The following PLEKHA5 variants were observed in gnomAD, a reference collection of about 807,000 sequenced individuals.
PLEKHA5 encodes pleckstrin homology domain-containing family A member 5.
PLEKHA5 carries 55 observed loss-of-function variants against 181.9 expected under a neutral mutation model. The ratio of observed to expected loss-of-function variants is 0.30; its 90% CI spans 0.24 to 0.38. The LOEUF is 0.38. Among genes scored for constraint, PLEKHA5 ranks in the 10% least tolerant of loss-of-function variants. The pLI, the probability that PLEKHA5 is intolerant of heterozygous loss-of-function variation, is 1.00. For synonymous variants in PLEKHA5, 535 were observed against 529.4 expected, an observed-to-expected ratio of 1.01 and a Z score of -0.15; for missense variants, 1,432 against 1,549.5, an observed-to-expected ratio of 0.92 and a Z score of 1.27.
chr12:19,213,477 A>G (rs2057365014), intron 3 of PLEKHA5, among the ~76,000 whole-genome samples: 1 of 152,158 alleles, frequency 6.6e-6, no homozygotes, highest in Non-Finnish European at 1.5e-5. Flanking sequence ...AGGAAGGCAG[A>G]TCTGAAAAGC....
intron 3 of PLEKHA5, among the ~76,000 whole-genome samples, chr12:19,137,211 A>G (rs1265849437): frequency 7.2e-5 from 11 of 151,866 alleles, no homozygotes; most frequent in Admixed American, 6.6e-4. Context: ...AATTTTTTGT[A>G]TTTTTAGTAG....
intron 6 of PLEKHA5, among the ~76,000 whole-genome samples, chr12:19,259,403 A>G (rs1194764512): frequency 1.3e-5 from 2 of 151,926 alleles, no homozygotes; most frequent in Non-Finnish European, 2.9e-5. Flanking sequence ...TATGTGTGTG[A>G]CACATATTTG....
intron 25 of PLEKHA5, among the ~76,000 whole-genome samples, chr12:19,350,554 A>G (rs2094543031): frequency 1.3e-5 from 2 of 152,176 alleles, no homozygotes; most frequent in Admixed American, 6.6e-5. Context: ...GCGGATCACA[A>G]GGTCAGGAGT....
intron 15 of PLEKHA5, among the ~76,000 whole-genome samples, chr12:19,303,181 C>T (rs926129751): frequency 7.1e-6 from 1 of 141,522 alleles, no homozygotes; most frequent in Non-Finnish European, 1.5e-5. Flanking sequence ...CTCAGCCTCC[C>T]AGAGTGAGTC....
chr12:19,306,378 C>A, intron 15 of PLEKHA5: 4 of 501,896 alleles, frequency 8.0e-6, no homozygotes, highest in Non-Finnish European at 1.2e-5. Context: ...GTGCTCTCTT[C>A]CCCTCCCCCG....
chr12:19,356,809 C>G (rs1262230886), intron 26 of PLEKHA5, among the ~76,000 whole-genome samples: 3 of 150,860 alleles, frequency 2.0e-5, no homozygotes, highest in Non-Finnish European at 3.0e-5. Context: ...TACAGGCGCC[C>G]GCCATCATGC....
At chr12:19,198,453 C>T (rs910921184) in intron 3 of PLEKHA5, among the ~76,000 whole-genome samples, 2 of 152,184 alleles carry the variant, frequency 1.3e-5, no homozygotes, top group Non-Finnish European at 1.5e-5. Context: ...TCCTGACAAT[C>T]CATTCTCTGA....
chr12:19,362,389 C>G (rs2095278343), intron 29 of PLEKHA5, among the ~76,000 whole-genome samples: 2 of 151,732 alleles, frequency 1.3e-5, no homozygotes, highest in African/African-American at 4.8e-5. Context: ...CAAAAATTAG[C>G]CAGACATGGT....
At chr12:19,212,536 C>G (rs983882309) in intron 3 of PLEKHA5, among the ~76,000 whole-genome samples, 3 of 151,882 alleles carry the variant, frequency 2.0e-5, no homozygotes, top group Admixed American at 6.6e-5. Context: ...CAAAAATTAG[C>G]CAGGCATGGT....
chr12:19,278,317 A>G (rs2075156960), intron 11 of PLEKHA5, among the ~76,000 whole-genome samples: 2 of 152,154 alleles, frequency 1.3e-5, no homozygotes, highest in Admixed American at 6.5e-5. Context: ...TCCAACCCAA[A>G]CATTATGAAT....
chr12:19,164,109 G>A (rs994940856), intron 3 of PLEKHA5, among the ~76,000 whole-genome samples: 2 of 150,810 alleles, frequency 1.3e-5, no homozygotes, highest in African/African-American at 4.9e-5. Context: ...CAGAAAACTT[G>A]CTTAAGCCAC....
intron 18 of PLEKHA5, 39 bp from the exon 19 acceptor site, chr12:19,322,271 T>C (rs1178945055): frequency 7.3e-7 from 1 of 1,378,314 alleles, no homozygotes. Context: ...ACAGAAAAAA[T>C]AAAAAATTGC....
chr12:19,337,070 C>T (rs2093487945), intron 21 of PLEKHA5, among the ~76,000 whole-genome samples: 1 of 149,140 alleles, frequency 6.7e-6, no homozygotes, highest in African/African-American at 2.5e-5. Flanking sequence ...TCACCGCAAC[C>T]TCTGCCTCCC....
At chr12:19,272,289 T>C (rs2073116901) in intron 10 of PLEKHA5, among the ~76,000 whole-genome samples, 1 of 152,202 alleles carries the variant, frequency 6.6e-6, no homozygotes, top group African/African-American at 2.4e-5. Flanking sequence ...TAAAATTAGA[T>C]CACAAGTTTT....
At chr12:19,195,869 A>G (rs985073951) in intron 3 of PLEKHA5, among the ~76,000 whole-genome samples, 5 of 152,070 alleles carry the variant, frequency 3.3e-5, no homozygotes, top group African/African-American at 9.7e-5. Flanking sequence ...TGACAGCTGC[A>G]TGATGTGTTC....
chr12:19,354,319 T>A (rs1159780985), intron 26 of PLEKHA5, among the ~76,000 whole-genome samples: 130 of 122,744 alleles, frequency 1.1e-3, no homozygotes, highest in East Asian at 2.8e-3. Context: ...GCCCGGCTAA[T>A]TTTTTTTGTA....
intron 25 of PLEKHA5, among the ~76,000 whole-genome samples, chr12:19,349,845 G>T (rs1374442471): frequency 6.6e-6 from 1 of 152,126 alleles, no homozygotes; most frequent in Non-Finnish European, 1.5e-5. Context: ...GGGCACGGTG[G>T]CTCACTCCTG....
rs959519707 is a variant in PLEKHA5, at chr12:19,227,351, A to C, written c.228-26589A>C. 2.6e-5 allele frequency among the ~76,000 whole-genome samples: 4 copies of C among 151,308 alleles called. 1 individual carries two copies. In the South Asian group the frequency reaches 8.4e-4, roughly 32 times the overall value. ...AAGCTTCCTCAGCCCCAGGGGCTAA[A>C]TAATAGTTATTCTTGTAGAGTTAAT... is the stretch of plus-strand genomic sequence containing the variant. On this transcript the variant is annotated intron_variant, in intron 3 of 31. Coordinates refer to ENST00000429027, the MANE Select transcript of PLEKHA5 (RefSeq NM_001256470.2).
At chr12:19,233,443 TAGG>T (rs771581104) in intron 3 of PLEKHA5, among the ~76,000 whole-genome samples, 8 of 152,154 alleles carry the variant, frequency 5.3e-5, no homozygotes, top group Non-Finnish European at 1.0e-4. Flanking sequence ...AAGAGATTGG[TAGG>T]AGATCTGTTT....
Sources: allele counts gnomAD v4.1 joint callset (sites outside exome capture counted in the v4.1 genomes callset), GRCh38; gene constraint gnomAD v4.1.1; transcripts MANE v1.5; gene names NCBI Gene and HGNC (gene_info 2026-07-23, HGNC 2026-07-21).